PAG1: variants seen among roughly 807,000 people sequenced by gnomAD.
The protein encoded by PAG1 is phosphoprotein associated with glycosphingolipid-enriched microdomains 1.
PAG1 carries 23 observed loss-of-function variants against 31.7 expected under a neutral mutation model. The ratio of observed to expected loss-of-function variants is 0.73; its 90% CI spans 0.52 to 1.03. The LOEUF is 1.03. Among genes scored for constraint, PAG1 ranks in the 50% least tolerant of loss-of-function variants. PAG1 has a pLI of 0.00. For synonymous variants in PAG1, 214 were observed against 210.3 expected, an observed-to-expected ratio of 1.02 and a Z score of -0.15; for missense variants, 473 against 540.7, an observed-to-expected ratio of 0.87 and a Z score of 1.24.
chr8:81,065,688 T>C (rs1808992748), intron 2 of PAG1, among the ~76,000 whole-genome samples: 1 of 152,078 alleles, frequency 6.6e-6, no homozygotes, highest in Admixed American at 6.6e-5. Flanking sequence ...TCAGTTAATG[T>C]TGAGGGAAAA....
chr8:80,986,004 T>C (rs1455861486), intron 6 of PAG1, among the ~76,000 whole-genome samples: 2 of 152,194 alleles, frequency 1.3e-5, no homozygotes, highest in Non-Finnish European at 2.9e-5. Context: ...GATATGCTAT[T>C]GTGTGAAGCT....
chr8:81,079,475 A>T (rs538716844), intron 1 of PAG1, among the ~76,000 whole-genome samples: 1 of 152,320 alleles, frequency 6.6e-6, no homozygotes, highest in Admixed American at 6.5e-5. Flanking sequence ...TGTGCTAGGC[A>T]TTACAAAGGC....
chr8:80,983,349 G>A (rs1046129761), intron 7 of PAG1, among the ~76,000 whole-genome samples: 2 of 151,992 alleles, frequency 1.3e-5, no homozygotes, highest in Non-Finnish European at 2.9e-5. Flanking sequence ...CCCCTTATTC[G>A]GTTCTATTTT....
At position 80,980,425 on chromosome 8, in the gene PAG1, C is replaced by T; in HGVS notation, c.936+10G>A. 6.5e-7 allele frequency: 1 copy of T among 1,545,936 alleles called. No homozygotes were observed. Among genetic ancestry groups the T allele is most frequent in the Non-Finnish European group, 8.9e-7 (1 of 1,118,944 alleles). On this transcript the variant is annotated intron_variant, in intron 8 of 8. Coordinates refer to ENST00000220597, the MANE Select transcript of PAG1 (RefSeq NM_018440.4). ...ACAGTTTTCCCTTTTTAAAAAGAAA[C>T]AAAACTTACCTCTTCTTCTGTGAGA... is the stretch of plus-strand genomic sequence containing the variant.
chr8:81,043,445 T>C (rs984512471), intron 2 of PAG1, among the ~76,000 whole-genome samples: 5 of 151,964 alleles, frequency 3.3e-5, no homozygotes, highest in African/African-American at 1.2e-4. Flanking sequence ...ACATATATAG[T>C]ACCCTATACT....
chr8:80,983,297 C>A (rs1007375625), intron 7 of PAG1, among the ~76,000 whole-genome samples: 11 of 152,316 alleles, frequency 7.2e-5, no homozygotes, highest in Admixed American at 7.2e-4. Context: ...CAGACCCTGA[C>A]CACTCTATCC....
chr8:81,013,421 G>T (rs968949679), intron 3 of PAG1, among the ~76,000 whole-genome samples: 1 of 152,068 alleles, frequency 6.6e-6, no homozygotes, highest in Non-Finnish European at 1.5e-5. Flanking sequence ...TGTGCGCAAG[G>T]CTATACTCTC....
chr8:81,075,150 T>C (rs567784938), intron 1 of PAG1, among the ~76,000 whole-genome samples: 9 of 152,354 alleles, frequency 5.9e-5, no homozygotes, highest in East Asian at 1.9e-4. Context: ...TGTAATTCCA[T>C]GTGTCCATAT....
At chr8:81,005,303 T>A (rs1008269987) in intron 3 of PAG1, among the ~76,000 whole-genome samples, 1 of 152,194 alleles carries the variant, frequency 6.6e-6, no homozygotes, top group African/African-American at 2.4e-5. Flanking sequence ...TATATATGTA[T>A]GTATGTATGT....
intron 1 of PAG1, among the ~76,000 whole-genome samples, chr8:81,082,660 C>T (rs1216788002): frequency 6.6e-6 from 1 of 152,120 alleles, no homozygotes; most frequent in Non-Finnish European, 1.5e-5. Context: ...TGATTCTTTC[C>T]CCTGTCCCCT....
chr8:81,069,463 A>C (rs914251651), intron 2 of PAG1, among the ~76,000 whole-genome samples: 3 of 152,244 alleles, frequency 2.0e-5, no homozygotes, highest in Admixed American at 6.5e-5. Context: ...CATTATAAAC[A>C]CTGATAACCA....
intron 1 of PAG1, among the ~76,000 whole-genome samples, chr8:81,099,371 G>A (rs1367351564): frequency 6.6e-6 from 1 of 152,086 alleles, no homozygotes; most frequent in Non-Finnish European, 1.5e-5. Flanking sequence ...GTAGTAGAGG[G>A]GGTGACCACC....
intron 1 of PAG1, among the ~76,000 whole-genome samples, chr8:81,093,896 T>C (rs10504728): frequency 0.14 from 21,293 of 152,190 alleles, 4,710 homozygotes; most frequent in African/African-American, 0.47. Flanking sequence ...CTTGCCCTGG[T>C]CAATTCTGCA....
At chr8:81,012,085 T>C (rs960130841) in intron 3 of PAG1, among the ~76,000 whole-genome samples, 2 of 152,196 alleles carry the variant, frequency 1.3e-5, no homozygotes, top group East Asian at 1.9e-4. Flanking sequence ...ACATGTCAGC[T>C]TGAGATGGGA....
intron 2 of PAG1, among the ~76,000 whole-genome samples, chr8:81,048,647 T>A (rs962053949): frequency 1.3e-5 from 2 of 152,198 alleles, no homozygotes; most frequent in African/African-American, 4.8e-5. Context: ...TATCTGACAA[T>A]GATTTTATCT....
At chr8:81,060,798 G>T (rs1808904763) in intron 2 of PAG1, among the ~76,000 whole-genome samples, 1 of 152,182 alleles carries the variant, frequency 6.6e-6, no homozygotes, top group Non-Finnish European at 1.5e-5. Flanking sequence ...GCTTAAATTA[G>T]GGAGTAAGTA....
chr8:80,978,597 C>T (rs1016399545), intron 8 of PAG1, among the ~76,000 whole-genome samples: 1 of 152,206 alleles, frequency 6.6e-6, no homozygotes, highest in African/African-American at 2.4e-5. Context: ...TTTCTTCCCC[C>T]TGGTCTTTGT....
chr8:80,976,770 A>G lies in PAG1; in HGVS notation c.1073T>C (p.Leu358Pro), dbSNP rs1304657043. 6.2e-7 allele frequency: 1 copy of G among 1,614,164 alleles called. No individual in the cohort carries two copies. Among genetic ancestry groups the G allele is most frequent in the Admixed American group, 1.7e-5 (1 of 60,026 alleles). Residue 358 changes from leucine to proline, a missense_variant, in exon 9 of 9, where the codon CTC becomes CCC. Physicochemically the swap from Leu to Pro is moderately conservative, Grantham distance 98. Transcript: ENST00000220597. ...PQRSPSSCND[L>P]YATVKDFEKT... The stretch of plus-strand genomic sequence containing the variant: ...TTCGAAGTCTTTAACAGTAGCATAG[A>G]GATCATTACAGGAGGAGGGTGACCT...
rs1260540751 is a variant in PAG1, at chr8:81,074,425, G to A, written c.-233-4255C>T. ...CTAGATAACTAGGAAAGGAGAACTG[G>A]AGGGGGTGACAGACAAGGAAAATTA... On this transcript the variant is annotated intron_variant, in intron 1 of 8. Coordinates refer to ENST00000220597, the MANE Select transcript of PAG1 (RefSeq NM_018440.4). 7.9e-5 allele frequency among the ~76,000 whole-genome samples: 12 copies of A among 152,208 alleles called. 1 individual carries two copies.
Sources: allele counts gnomAD v4.1 joint callset (sites outside exome capture counted in the v4.1 genomes callset), GRCh38; gene constraint gnomAD v4.1.1; transcripts MANE v1.5; gene names NCBI Gene and HGNC (gene_info 2026-07-23, HGNC 2026-07-21).